The following DSCAM variants were observed in gnomAD, a reference collection of about 807,000 sequenced individuals.
DSCAM encodes the protein DS cell adhesion molecule, also known as cell adhesion molecule DSCAM.
DSCAM carries 47 observed loss-of-function variants against 217.7 expected under a neutral mutation model. That is an observed-to-expected ratio of 0.22 (90% confidence interval 0.17 to 0.28). The LOEUF (loss-of-function observed/expected upper bound fraction) is 0.28. Among genes scored for constraint, DSCAM ranks in the 10% least tolerant of loss-of-function variants. DSCAM has a pLI of 1.00. For synonymous variants in DSCAM, 1,056 were observed against 1,015.3 expected (o/e 1.04, Z -0.76); for missense variants, 2,080 against 2,618.3 (o/e 0.79, Z 4.49).
chr21:40,321,722 C>T (rs113884663), intron 8 of DSCAM, among the ~76,000 whole-genome samples: 168 of 151,836 alleles, frequency 1.1e-3, no homozygotes, highest in African/African-American at 3.8e-3. Context: ...TGCTCCAACA[C>T]CTTTAGGATT....
In DSCAM at chr21:40,093,307, T is replaced by C. The variant is rs553345806; in HGVS notation, c.3850+414A>G. On this transcript the variant is annotated intron_variant, in intron 21 of 32. Transcript: ENST00000400454. Reference sequence around the variant, plus strand: ...TTGCTTATAGCATTCTGTCAACAGATAGTGAATGATTTTCAAATATTTTTA... The same window carrying C: ...TTGCTTATAGCATTCTGTCAACAGACAGTGAATGATTTTCAAATATTTTTA... Among the ~76,000 whole-genome samples the C allele has an allele frequency of 7.7e-4, 117 of 152,370 alleles. 1 individual carries two copies. The highest frequency in any genetic ancestry group is 2.7e-3 in the African/African-American group (111 of 41,586).
At chr21:40,719,424 CTG>C (rs770278644) in intron 1 of DSCAM, among the ~76,000 whole-genome samples, 11 of 152,272 alleles carry the variant, frequency 7.2e-5, no homozygotes, top group Non-Finnish European at 1.2e-4. Flanking sequence ...CATGTGTACA[CTG>C]TGACTCAACA....
intron 3 of DSCAM, among the ~76,000 whole-genome samples, chr21:40,604,685 G>A (rs1163625218): frequency 2.6e-5 from 4 of 152,082 alleles, no homozygotes; most frequent in Non-Finnish European, 5.9e-5. Flanking sequence ...CTTGAATAGA[G>A]GCTGCATCTT....
chr21:40,767,633 C>G (rs909699148), intron 1 of DSCAM, among the ~76,000 whole-genome samples: 1 of 152,178 alleles, frequency 6.6e-6, no homozygotes, highest in African/African-American at 2.4e-5. Flanking sequence ...ATATTTAGAA[C>G]AGAGACCCCA....
At chr21:40,646,633 T>C (rs1601819359) in intron 3 of DSCAM, among the ~76,000 whole-genome samples, 1 of 152,220 alleles carries the variant, frequency 6.6e-6, no homozygotes, top group African/African-American at 2.4e-5. Flanking sequence ...ATGAAGCATG[T>C]AAAAGCGAAG....
chr21:40,684,105 T>A (rs1568983674), intron 3 of DSCAM, among the ~76,000 whole-genome samples: 1 of 149,478 alleles, frequency 6.7e-6, no homozygotes, highest in Non-Finnish European at 1.5e-5. Context: ...GTGCCTGTAG[T>A]CCCAGCTACT....
At chr21:40,739,784 T>G (rs116369118) in intron 1 of DSCAM, among the ~76,000 whole-genome samples, 9,616 of 148,514 alleles carry the variant, frequency 0.065, 690 homozygotes, top group African/African-American at 0.19. Context: ...AGAATTAGTT[T>G]TTTTTTTTTT....
chr21:40,606,226 C>T (rs1043157950), intron 3 of DSCAM, among the ~76,000 whole-genome samples: 4 of 152,058 alleles, frequency 2.6e-5, no homozygotes, highest in African/African-American at 9.7e-5. Flanking sequence ...AAGAGACAGC[C>T]ACACAATTGG....
chr21:40,686,402 C>T (rs1205391947), intron 3 of DSCAM, among the ~76,000 whole-genome samples: 1 of 151,882 alleles, frequency 6.6e-6, no homozygotes, highest in Non-Finnish European at 1.5e-5. Context: ...TCATGCACCA[C>T]ACACACGTAT....
intron 3 of DSCAM, among the ~76,000 whole-genome samples, chr21:40,686,177 A>G (rs2090472637): frequency 1.1e-5 from 1 of 87,922 alleles, no homozygotes; most frequent in South Asian, 4.4e-4. Flanking sequence ...ACACACACAT[A>G]CAGAGCACAC....
At chr21:40,579,026 CAG>C (rs1280637147) in intron 3 of DSCAM, among the ~76,000 whole-genome samples, 1 of 152,116 alleles carries the variant, frequency 6.6e-6, no homozygotes, top group Non-Finnish European at 1.5e-5. Flanking sequence ...GTGCAAAACA[CAG>C]AAAGATGCAC....
rs1210083015 is a variant in DSCAM, at chr21:40,368,969, C to T, written c.655+130G>A. 4 of 1,072,390 alleles carry T rather than the reference C, an allele frequency of 3.7e-6. No individual in the cohort carries two copies. The African/African-American group carries it at 4.9e-5, about 13-fold the overall frequency. The allele number at this position is 1,072,390 out of a possible 1,614,324, so 66.4% of individuals were successfully genotyped here. A position where few individuals can be genotyped will look rare whatever the true frequency, so the allele number is the denominator to read the frequency against. On this transcript the variant is annotated intron_variant, in intron 4 of 32. Transcript: ENST00000400454. ...TTCATTTAAAAGAGTTTTAAAATTCCTAAAATATTTTGGAAAAGGAATTGA... is the reference window on the plus strand; with the variant it reads ...TTCATTTAAAAGAGTTTTAAAATTCTTAAAATATTTTGGAAAAGGAATTGA...
intron 15 of DSCAM, among the ~76,000 whole-genome samples, chr21:40,176,904 C>A (rs756694497): frequency 6.6e-6 from 1 of 152,214 alleles, no homozygotes; most frequent in Non-Finnish European, 1.5e-5. Flanking sequence ...AACTGCCAGC[C>A]GCAGCAGAGG....
intron 5 of DSCAM, among the ~76,000 whole-genome samples, chr21:40,349,063 G>C (rs2074598552): frequency 1.4e-5 from 2 of 144,758 alleles, no homozygotes; most frequent in Admixed American, 1.5e-4. Context: ...TGTGAACCTG[G>C]GAAGAGGAGC....
At chr21:40,065,952 AC>A (rs980066778) in intron 27 of DSCAM, among the ~76,000 whole-genome samples, 1 of 151,870 alleles carries the variant, frequency 6.6e-6, no homozygotes, top group African/African-American at 2.4e-5. Flanking sequence ...CTCACTTGTA[AC>A]CTCCAACCTC....
intron 10 of DSCAM, among the ~76,000 whole-genome samples, chr21:40,285,779 G>C (rs1313208760): frequency 2.0e-5 from 3 of 152,152 alleles, no homozygotes; most frequent in African/African-American, 7.2e-5. Flanking sequence ...TACCATGTGT[G>C]CCATAGAGAG....
At position 40,203,047 on chromosome 21, in the gene DSCAM, T is replaced by C. The variant is rs369335513; in HGVS notation, c.2357-13809A>G. On this transcript the variant is annotated intron_variant, in intron 11 of 32. Coordinates refer to ENST00000400454, the MANE Select transcript of DSCAM (RefSeq NM_001389.5). ...TACAGCAATCCTAGGAAGGAGGTTT[T>C]GTAAATATGAGTATAAAAATTGAGG... is the stretch of plus-strand genomic sequence containing the variant. 1.3e-4 allele frequency among the ~76,000 whole-genome samples: 20 copies of C among 152,310 alleles called. No homozygotes were observed. In the South Asian group the frequency reaches 4.1e-3, roughly 32 times the overall value.
chr21:40,766,349 T>TTTTTTTTTTTC (rs529735263), intron 1 of DSCAM, among the ~76,000 whole-genome samples: 7 of 152,096 alleles, frequency 4.6e-5, no homozygotes, highest in African/African-American at 1.7e-4. Flanking sequence ...ATATATATTT[T>TTTTTTTTTTTC]CAAAGGATTA....
intron 3 of DSCAM, among the ~76,000 whole-genome samples, chr21:40,423,629 C>G (rs956003575): frequency 2.8e-4 from 43 of 152,208 alleles, no homozygotes; most frequent in African/African-American, 1.0e-3. Context: ...CTAAAATAAA[C>G]TTCCACTCCT....
Sources: gnomAD v4.1 joint callset for allele counts (sites outside exome capture counted in the v4.1 genomes callset) on GRCh38, gnomAD v4.1.1 for gene constraint, MANE v1.5 for transcripts, NCBI Gene and HGNC (gene_info 2026-07-23, HGNC 2026-07-21) for gene names.